The following TULP4 variants were observed in gnomAD, a reference collection of about 807,000 sequenced individuals.
TULP4 encodes the protein TUB like protein 4.
Under a neutral mutation model 129.0 loss-of-function variants are expected in TULP4, and 16 were observed. The observed-to-expected ratio is 0.12, with a 90% CI of 0.08 to 0.19. The LOEUF is 0.19. Among genes scored for constraint, TULP4 ranks in the 10% least tolerant of loss-of-function variants. TULP4 has a pLI of 1.00. For missense variants in TULP4, 1,842 were observed against 2,059.1 expected (o/e 0.89, Z 2.04); for synonymous variants, 998 against 854.0 (o/e 1.17, Z -2.94).
chr6:158,507,690 T>A lies in TULP4; in HGVS notation c.*996T>A, dbSNP rs1780635912. 2.0e-5 allele frequency: 3 copies of A among 152,256 alleles called. No individual in the cohort carries two copies. Among genetic ancestry groups the A allele is most frequent in the African/African-American group, 7.2e-5 (3 of 41,472 alleles). The allele number at this position is 152,256 out of a possible 1,614,324, so 9.4% of individuals were successfully genotyped here. A position where few individuals can be genotyped will look rare whatever the true frequency, so the allele number is the denominator to read the frequency against. On this transcript the variant is annotated 3_prime_UTR_variant, in exon 14 of 14. Coordinates refer to ENST00000367097, the MANE Select transcript of TULP4 (RefSeq NM_020245.5). ...TACTTTTTAATCTGGAATGCATTAC[T>A]GTAAACATGATCTTTCCCATGAGAT...
chr6:158,285,045 A>G (rs1370472207), intron 1 of TULP4, among the ~76,000 whole-genome samples: 1 of 152,068 alleles, frequency 6.6e-6, no homozygotes, highest in East Asian at 1.9e-4. Context: ...TGCTGGTATG[A>G]TTCTCAAGGT....
intron 1 of TULP4, among the ~76,000 whole-genome samples, chr6:158,410,948 G>A (rs972059248): frequency 6.6e-6 from 1 of 151,860 alleles, no homozygotes; most frequent in Non-Finnish European, 1.5e-5. Flanking sequence ...TCCTAATCGC[G>A]GTCCTTGGCA....
chr6:158,489,766 T>G (rs1780156708), intron 9 of TULP4, 34 bp downstream of exon 9: 1 of 1,612,916 alleles, frequency 6.2e-7, no homozygotes, highest in South Asian at 1.1e-5. Context: ...CGTCCTTTCT[T>G]GTGCCTCTGA....
At chr6:158,418,716 T>G (rs970062322) in intron 2 of TULP4, among the ~76,000 whole-genome samples, 1 of 152,196 alleles carries the variant, frequency 6.6e-6, no homozygotes, top group African/African-American at 2.4e-5. Flanking sequence ...TGCAGTGAAC[T>G]ATGACTGTGC....
intron 1 of TULP4, among the ~76,000 whole-genome samples, chr6:158,307,342 G>A (rs2128479449): frequency 6.6e-6 from 1 of 152,272 alleles, no homozygotes; most frequent in African/African-American, 2.4e-5. Context: ...AATCATGGAT[G>A]TTTTTCTTTG....
At chr6:158,399,438 A>T (rs1404550377) in intron 1 of TULP4, among the ~76,000 whole-genome samples, 1 of 152,234 alleles carries the variant, frequency 6.6e-6, no homozygotes, top group Non-Finnish European at 1.5e-5. Flanking sequence ...GTTCACATGC[A>T]GGTCCTGATT....
chr6:158,308,374 A>C (rs1488854937), upstream of TULP4, among the ~76,000 whole-genome samples: 1 of 152,052 alleles, frequency 6.6e-6, no homozygotes, highest in African/African-American at 2.4e-5. Context: ...AGTACAGAAC[A>C]AAATGAAAAG....
Position 158,461,782 on chromosome 6 carries a change from G to T in TULP4, c.1026+53G>T, listed in dbSNP as rs115887292. Reference sequence around the variant, plus strand: ...ATTTTCAGCAGTATACTAGTGAATAGGTTATTATAATTATTGTTGACAAAT... The same window carrying T: ...ATTTTCAGCAGTATACTAGTGAATATGTTATTATAATTATTGTTGACAAAT... On this transcript the variant is annotated intron_variant, in intron 6 of 13. Transcript: ENST00000367097. The T allele has an allele frequency of 2.6e-6, 4 of 1,529,332 alleles. No individual in the cohort carries two copies. In the South Asian group the frequency reaches 5.0e-5, roughly 19 times the overall value. The allele number at this position is 1,529,332 out of a possible 1,614,324, so 94.7% of individuals were successfully genotyped here.
intron 2 of TULP4, among the ~76,000 whole-genome samples, chr6:158,419,799 CTT>C (rs1210914027): frequency 6.6e-6 from 1 of 152,220 alleles, no homozygotes; most frequent in African/African-American, 2.4e-5. Context: ...TATGTATACA[CTT>C]ATTAATAGCA....
At chr6:158,489,307 C>G (rs1780142546) in intron 8 of TULP4, among the ~76,000 whole-genome samples, 2 of 152,360 alleles carry the variant, frequency 1.3e-5, no homozygotes, top group Middle Eastern at 3.4e-3. Context: ...GACAACAGCA[C>G]AGCCATTTTG....
chr6:158,454,092 T>C (rs1011442488), intron 5 of TULP4, among the ~76,000 whole-genome samples: 3 of 149,312 alleles, frequency 2.0e-5, no homozygotes, highest in Admixed American at 6.7e-5. Context: ...TACCCTCTTT[T>C]GGGCATCCCA....
chr6:158,316,711 T>C (rs375948410), intron 1 of TULP4, among the ~76,000 whole-genome samples: 10 of 152,178 alleles, frequency 6.6e-5, no homozygotes, highest in African/African-American at 2.4e-4. Flanking sequence ...AGCCCTGTTA[T>C]GGTATGTCTG....
chr6:158,364,078 A>G (rs1235646677), intron 1 of TULP4, among the ~76,000 whole-genome samples: 1 of 152,224 alleles, frequency 6.6e-6, no homozygotes, highest in Non-Finnish European at 1.5e-5. Flanking sequence ...AAAGAAAGGT[A>G]CAGTCAATAA....
intron 2 of TULP4, among the ~76,000 whole-genome samples, chr6:158,414,317 A>C (rs979484258): frequency 6.6e-6 from 1 of 152,232 alleles, no homozygotes; most frequent in African/African-American, 2.4e-5. Context: ...AGACATCTTC[A>C]TGTGAGTGGA....
chr6:158,344,517 G>A (rs1754410), intron 1 of TULP4, among the ~76,000 whole-genome samples: 131,067 of 152,198 alleles, frequency 0.86, 56,866 homozygotes, highest in South Asian at 0.93. Context: ...AATATTTCAA[G>A]CTTTTTCATC....
Position 158,400,685 on chromosome 6 carries a change from T to G in TULP4, c.253-12380T>G, listed in dbSNP as rs183302147. Among the ~76,000 whole-genome samples the G allele has an allele frequency of 2.0e-5, 3 of 152,324 alleles. No individual in the cohort carries two copies. In the East Asian group the frequency reaches 5.8e-4, roughly 29 times the overall value. Reference sequence around the variant, plus strand: ...TTGTTTTATTTTCACTCTTTGGTTTTTTGGCAGTGATGTTTTAAAACTACT... The same window carrying G: ...TTGTTTTATTTTCACTCTTTGGTTTGTTGGCAGTGATGTTTTAAAACTACT... On this transcript the variant is annotated intron_variant, in intron 1 of 13. Coordinates refer to ENST00000367097, the MANE Select transcript of TULP4 (RefSeq NM_020245.5).
upstream of TULP4, among the ~76,000 whole-genome samples, chr6:158,311,240 T>C (rs937715439): frequency 1.5e-4 from 23 of 152,170 alleles, no homozygotes; most frequent in African/African-American, 4.8e-4. Context: ...CCTGGGCCCT[T>C]CCCTTCCCTT....
At chr6:158,419,747 G>C (rs1457584143) in intron 2 of TULP4, among the ~76,000 whole-genome samples, 2 of 152,182 alleles carry the variant, frequency 1.3e-5, no homozygotes, top group Admixed American at 1.3e-4. Flanking sequence ...AGACAGAAAG[G>C]ATTATTTGGT....
intron 1 of TULP4, among the ~76,000 whole-genome samples, chr6:158,388,848 C>A (rs575651905): frequency 9.2e-5 from 14 of 152,200 alleles, no homozygotes; most frequent in African/African-American, 3.4e-4. Flanking sequence ...TGACACAGAC[C>A]AGAGTGGATC....
Sources: allele counts gnomAD v4.1 joint callset (sites outside exome capture counted in the v4.1 genomes callset), GRCh38; gene constraint gnomAD v4.1.1; transcripts MANE v1.5; gene names NCBI Gene and HGNC (gene_info 2026-07-23, HGNC 2026-07-21).